The following SYT9 variants were observed in gnomAD, a reference collection of about 807,000 sequenced individuals.
The protein encoded by SYT9 is synaptotagmin 9.
Under a neutral mutation model 48.4 loss-of-function variants are expected in SYT9, and 22 were observed. That is an observed-to-expected ratio of 0.45 (90% confidence interval 0.32 to 0.65). SYT9 has a LOEUF of 0.65. Among genes scored for constraint, SYT9 ranks in the 30% least tolerant of loss-of-function variants. The pLI, the probability that SYT9 is intolerant of heterozygous loss-of-function variation, is 0.03. For synonymous variants in SYT9, 265 were observed against 245.0 expected (o/e 1.08, Z -0.76); for missense variants, 577 against 622.0 (o/e 0.93, Z 0.77).
chr11:7,325,036 T>G (rs1157718070), intron 3 of SYT9, among the ~76,000 whole-genome samples: 3 of 152,306 alleles, frequency 2.0e-5, no homozygotes, highest in South Asian at 4.1e-4. Context: ...ATGTCTGGTC[T>G]TTTCAACATT....
intron 3 of SYT9, among the ~76,000 whole-genome samples, chr11:7,316,812 C>A (rs963765179): frequency 6.6e-6 from 1 of 152,212 alleles, no homozygotes; most frequent in Admixed American, 6.5e-5. Flanking sequence ...CCACACTGAT[C>A]AATGTATGTG....
At chr11:7,459,685 G>C (rs548305847) in intron 6 of SYT9, among the ~76,000 whole-genome samples, 8 of 152,290 alleles carry the variant, frequency 5.3e-5, no homozygotes, top group African/African-American at 1.9e-4. Flanking sequence ...GGCATGTTAA[G>C]ATGAGCTTAT....
At chr11:7,449,352 G>T (rs1471613968) in intron 6 of SYT9, among the ~76,000 whole-genome samples, 5 of 137,058 alleles carry the variant, frequency 3.6e-5, no homozygotes, top group African/African-American at 8.9e-5. Flanking sequence ...AAAAAAAAAT[G>T]GAGCAAAAGC....
chr11:7,276,673 T>C (rs1382087856), intron 1 of SYT9, among the ~76,000 whole-genome samples: 2 of 152,188 alleles, frequency 1.3e-5, no homozygotes, highest in African/African-American at 4.8e-5. Context: ...TCCCTCATCA[T>C]TCTTTTAAGC....
upstream of SYT9, among the ~76,000 whole-genome samples, chr11:7,250,847 C>G (rs1847854330): frequency 6.6e-6 from 1 of 151,948 alleles, no homozygotes; most frequent in Non-Finnish European, 1.5e-5. Context: ...AGATCCTACT[C>G]TAATTGCTCT....
chr11:7,426,753 G>A (rs1847465369), intron 6 of SYT9, among the ~76,000 whole-genome samples: 1 of 151,934 alleles, frequency 6.6e-6, no homozygotes, highest in Non-Finnish European at 1.5e-5. Flanking sequence ...TCCTCTACCT[G>A]TCTGGTGGAA....
At chr11:7,422,186 A>G in intron 6 of SYT9, among the ~76,000 whole-genome samples, 1 of 152,286 alleles carries the variant, frequency 6.6e-6, no homozygotes. Context: ...GCGGCTGTGG[A>G]GAGGCAGAGA....
At chr11:7,441,921 C>T (rs537569922) in intron 6 of SYT9, among the ~76,000 whole-genome samples, 238 of 152,182 alleles carry the variant, frequency 1.6e-3, no homozygotes, top group African/African-American at 5.5e-3. Context: ...TGGCAATACC[C>T]AGCCAACCTT....
At chr11:7,415,281 C>T (rs1183971614) in intron 3 of SYT9, among the ~76,000 whole-genome samples, 1 of 152,016 alleles carries the variant, frequency 6.6e-6, no homozygotes, top group African/African-American at 2.4e-5. Context: ...TGTGTGGGCT[C>T]GCAGGGTGCC....
At chr11:7,466,134 T>G (rs1191065651) in intron 6 of SYT9, among the ~76,000 whole-genome samples, 1 of 152,202 alleles carries the variant, frequency 6.6e-6, no homozygotes, top group Non-Finnish European at 1.5e-5. Flanking sequence ...GCATTCTGCC[T>G]TTGCACAGTC....
At chr11:7,263,811 T>C (rs1848124636) in intron 1 of SYT9, among the ~76,000 whole-genome samples, 1 of 152,114 alleles carries the variant, frequency 6.6e-6, no homozygotes, top group South Asian at 2.1e-4. Context: ...CTAGAGTCTT[T>C]CTAAAAGAGA....
At chr11:7,420,450 T>TATTA in intron 5 of SYT9, 56 bp from the exon 6 acceptor site, 1 of 1,601,402 alleles carries the variant, frequency 6.2e-7, no homozygotes, top group Non-Finnish European at 8.5e-7. Context: ...ATTGAGTAGC[T>TATTA]ATTGATCTTA....
At chr11:7,454,442 A>C (rs1208686479) in intron 6 of SYT9, 6 of 375,764 alleles carry the variant, frequency 1.6e-5, no homozygotes, top group Non-Finnish European at 2.2e-5. Flanking sequence ...CCAAGCACGG[A>C]CACAGTCCCT....
intron 3 of SYT9, among the ~76,000 whole-genome samples, chr11:7,406,493 A>C (rs1847013330): frequency 6.6e-6 from 1 of 150,384 alleles, no homozygotes; most frequent in Non-Finnish European, 1.5e-5. Flanking sequence ...TGCAAATGAC[A>C]TGATTTCATT....
intron 3 of SYT9, among the ~76,000 whole-genome samples, chr11:7,384,900 T>C (rs926090187): frequency 1.3e-5 from 2 of 152,116 alleles, no homozygotes; most frequent in African/African-American, 4.8e-5. Flanking sequence ...CCTCAGGGCA[T>C]CTGTGCTTGC....
intron 3 of SYT9, among the ~76,000 whole-genome samples, chr11:7,339,542 G>T (rs1334203137): frequency 1.3e-5 from 2 of 152,092 alleles, no homozygotes; most frequent in African/African-American, 4.8e-5. Flanking sequence ...TGTAAGGCAG[G>T]TCTGGTGATA....
At chr11:7,342,314 A>G (rs1236212838) in intron 3 of SYT9, among the ~76,000 whole-genome samples, 1 of 152,212 alleles carries the variant, frequency 6.6e-6, no homozygotes, top group Admixed American at 6.5e-5. Context: ...CCTTCCACCT[A>G]TGAGCCTGTA....
chr11:7,402,389 T>A (rs1313527752), intron 3 of SYT9, among the ~76,000 whole-genome samples: 2 of 152,128 alleles, frequency 1.3e-5, no homozygotes, highest in Non-Finnish European at 2.9e-5. Context: ...TTACTTCTTC[T>A]CTTTTCGTAT....
intron 2 of SYT9, among the ~76,000 whole-genome samples, chr11:7,308,415 G>A (rs1490837460): frequency 6.6e-6 from 1 of 152,146 alleles, no homozygotes; most frequent in Non-Finnish European, 1.5e-5. Context: ...GATGGAAGGG[G>A]TGTTGGGGAT....
Sources: gnomAD v4.1 joint callset for allele counts (sites outside exome capture counted in the v4.1 genomes callset) on GRCh38, gnomAD v4.1.1 for gene constraint, MANE v1.5 for transcripts, NCBI Gene and HGNC (gene_info 2026-07-23, HGNC 2026-07-21) for gene names.